WDR27: variants seen among roughly 807,000 people sequenced by gnomAD.
WDR27 encodes WD repeat domain 27.
Under a neutral mutation model 114.4 loss-of-function variants are expected in WDR27, and 100 were observed. The ratio of observed to expected loss-of-function variants is 0.87; its 90% CI spans 0.74 to 1.03. The LOEUF is 1.03. WDR27 is among the 50% of genes least tolerant of loss of function. The probability of loss-of-function intolerance (pLI) is 0.00; values close to 1 mark genes in which losing one functional copy is unlikely to be tolerated. For synonymous variants in WDR27, 449 were observed against 423.1 expected, an observed-to-expected ratio of 1.06 and a Z score of -0.75; for missense variants, 1,129 against 1,092.9, an observed-to-expected ratio of 1.03 and a Z score of -0.47.
intron 25 of WDR27, among the ~76,000 whole-genome samples, chr6:169,515,916 T>C (rs1372034848): frequency 6.6e-6 from 1 of 151,840 alleles, no homozygotes; most frequent in Non-Finnish European, 1.5e-5. Context: ...AGTTGACATA[T>C]TCAAATTATA....
chr6:169,624,133 G>GTCAGGTGTGCAGCA (rs141516973), intron 21 of WDR27, among the ~76,000 whole-genome samples: 6 of 150,768 alleles, frequency 4.0e-5, no homozygotes, highest in African/African-American at 1.5e-4. Context: ...GGTGTGTGGT[G>GTCAGGTGTGCAGCA]TCAGGTGTGC....
intron 25 of WDR27, among the ~76,000 whole-genome samples, chr6:169,530,173 A>C (rs1388377510): frequency 6.6e-6 from 1 of 152,204 alleles, no homozygotes; most frequent in African/African-American, 2.4e-5. Flanking sequence ...CAGATACTGG[A>C]TCAACAACCA....
chr6:169,607,888 G>A (rs1007672967), intron 22 of WDR27, among the ~76,000 whole-genome samples: 9 of 152,222 alleles, frequency 5.9e-5, no homozygotes, highest in East Asian at 1.9e-4. Context: ...ACTTAATGCC[G>A]GGGATACATT....
In WDR27 at chr6:169,649,051, A is replaced by G. The variant is rs541027723; in HGVS notation, c.1559+147T>C. 9.2e-6 allele frequency: 5 copies of G among 543,176 alleles called. No individual in the cohort carries two copies. The South Asian group carries it at 1.2e-4, about 13-fold the overall frequency. 33.6% of individuals were successfully genotyped at this position (543,176 alleles called of 1,614,324 possible). A position where few individuals can be genotyped will look rare whatever the true frequency, so the allele number is the denominator to read the frequency against. ...AATTTGGCTAAAAAGATATATAAATAATATAGATATACATATCTGTGTACA... is the reference window on the plus strand; with the variant it reads ...AATTTGGCTAAAAAGATATATAAATGATATAGATATACATATCTGTGTACA... On this transcript the variant is annotated intron_variant, in intron 15 of 25. Coordinates refer to ENST00000448612, the MANE Select transcript of WDR27 (RefSeq NM_182552.5).
chr6:169,668,268 G>C (rs1412556051), intron 4 of WDR27, 83 bp from the exon 5 acceptor site: 1 of 1,402,302 alleles, frequency 7.1e-7, no homozygotes, highest in East Asian at 2.3e-5. Flanking sequence ...TCAGGTGTCT[G>C]AGCTAAGAGG....
rs150804318 is a variant in WDR27 at position 169,698,860 on chromosome 6, T to C, written c.-8+2691A>G. Among the ~76,000 whole-genome samples, 107 of 152,338 alleles carry C rather than the reference T, an allele frequency of 7.0e-4. 1 individual carries two copies. The highest frequency in any genetic ancestry group is 1.2e-3 in the Non-Finnish European group (81 of 68,038). ...TGATCAGGACACCAGGCTGGACTGT[T>C]GTGTAAGCAAGAGAGAAACATTTAG... On this transcript the variant is annotated intron_variant, in intron 1 of 25. Coordinates refer to ENST00000448612, the MANE Select transcript of WDR27 (RefSeq NM_182552.5).
At chr6:169,476,338 G>C (rs1185358633) in intron 25 of WDR27, among the ~76,000 whole-genome samples, 4 of 152,176 alleles carry the variant, frequency 2.6e-5, no homozygotes, top group Admixed American at 6.5e-5. Flanking sequence ...ATTGTGTCTT[G>C]AGTTAAAAGA....
intron 23 of WDR27, among the ~76,000 whole-genome samples, chr6:169,584,443 G>T (rs1230018626): frequency 6.6e-6 from 1 of 152,212 alleles, no homozygotes; most frequent in African/African-American, 2.4e-5. Flanking sequence ...ATACCAGAAG[G>T]ACTGCTGGGT....
At position 169,600,057 on chromosome 6, in the gene WDR27, T is replaced by C. The variant is rs888733765; in HGVS notation, c.2424+2162A>G. 5.3e-5 allele frequency among the ~76,000 whole-genome samples: 8 copies of C among 152,192 alleles called. 1 individual carries two copies. The highest frequency in any genetic ancestry group is 2.0e-4 in the Admixed American group (3 of 15,280). On this transcript the variant is annotated intron_variant, in intron 23 of 25. Transcript: ENST00000448612. Reference sequence around the variant, plus strand: ...TCCGGAGCAGGTTGTTCAGTTTCCATGTAGTTGAGCGGTTTTGAGTGCGTT... The same window carrying C: ...TCCGGAGCAGGTTGTTCAGTTTCCACGTAGTTGAGCGGTTTTGAGTGCGTT...
chr6:169,643,210 T>C (rs923491564), intron 17 of WDR27, among the ~76,000 whole-genome samples: 1 of 152,202 alleles, frequency 6.6e-6, no homozygotes. Flanking sequence ...TTTATGGGAT[T>C]AGAATTAGGA....
At chr6:169,600,804 TG>T (rs1807825516) in intron 23 of WDR27, among the ~76,000 whole-genome samples, 1 of 152,118 alleles carries the variant, frequency 6.6e-6, no homozygotes, top group Admixed American at 6.5e-5. Context: ...CCAAGAAATA[TG>T]GGACTATGTG....
At chr6:169,450,423 G>T in the WDR27 span, among the ~76,000 whole-genome samples, 1 of 152,232 alleles carries the variant, frequency 6.6e-6, no homozygotes, top group African/African-American at 2.4e-5. Flanking sequence ...GTAAATGAAC[G>T]GAATTGCACA....
chr6:169,664,310 A>T, intron 7 of WDR27, 24 bp from the exon 8 acceptor site: 1 of 1,613,634 alleles, frequency 6.2e-7, no homozygotes, highest in Non-Finnish European at 8.5e-7. Context: ...GAAGATGCAG[A>T]CATGGCGCTG....
intron 2 of WDR27, among the ~76,000 whole-genome samples, chr6:169,686,065 T>C (rs1782868144): frequency 6.6e-6 from 1 of 152,072 alleles, no homozygotes; most frequent in African/African-American, 2.4e-5. Flanking sequence ...TGAAAGAAAA[T>C]AAACTTCCAG....
rs527814858 is a variant in WDR27 at position 169,625,744 on chromosome 6, G to A, written c.2223+7203C>T. On this transcript the variant is annotated intron_variant, in intron 21 of 25. Transcript: ENST00000448612. ...GTGGTGCCTGCTCAGATCTCACGCC[G>A]GCACCCCTACTCCGTCTGGGGCTCT... Among the ~76,000 whole-genome samples the A allele has an allele frequency of 1.5e-3, 231 of 152,292 alleles. 1 individual carries two copies. Among genetic ancestry groups the A allele is most frequent in the African/African-American group, 5.2e-3 (217 of 41,564 alleles).
At chr6:169,483,515 T>C (rs1788477660) in intron 25 of WDR27, among the ~76,000 whole-genome samples, 2 of 152,176 alleles carry the variant, frequency 1.3e-5, no homozygotes, top group Non-Finnish European at 2.9e-5. Context: ...GAATTGGTAA[T>C]AAATAGCCAG....
chr6:169,620,354 T>G (rs139333288), intron 21 of WDR27, among the ~76,000 whole-genome samples: 1,611 of 152,286 alleles, frequency 0.011, 41 homozygotes, highest in African/African-American at 0.038. Context: ...CCTCACAATT[T>G]GCCCACAAGG....
chr6:169,431,159 T>C, the WDR27 span, among the ~76,000 whole-genome samples: 1 of 152,248 alleles, frequency 6.6e-6, no homozygotes, highest in South Asian at 2.1e-4. Flanking sequence ...GCGCCAATAA[T>C]TTGTTTTTCA....
At chr6:169,575,766 A>T (rs1476208597) in intron 24 of WDR27, among the ~76,000 whole-genome samples, 1 of 152,214 alleles carries the variant, frequency 6.6e-6, no homozygotes, top group Non-Finnish European at 1.5e-5. Flanking sequence ...CTTGAGTCAC[A>T]TGTTTCATTT....
Sources: gnomAD v4.1 joint callset for allele counts (sites outside exome capture counted in the v4.1 genomes callset) on GRCh38, gnomAD v4.1.1 for gene constraint, MANE v1.5 for transcripts, NCBI Gene and HGNC (gene_info 2026-07-23, HGNC 2026-07-21) for gene names.